PDE3A: variants seen among roughly 807,000 people sequenced by gnomAD.
The protein encoded by PDE3A is cGMP-inhibited 3',5'-cyclic phosphodiesterase 3A.
Under a neutral mutation model 98.3 loss-of-function variants are expected in PDE3A, and 43 were observed. That is an observed-to-expected ratio of 0.44 (90% CI 0.34 to 0.56). The LOEUF is 0.56. Ranked by LOEUF, PDE3A falls within the 20% of genes least tolerant of loss-of-function variation. The probability of loss-of-function intolerance (pLI) is 0.01; values close to 1 mark genes in which losing one functional copy is unlikely to be tolerated. For synonymous variants in PDE3A, 663 were observed against 567.9 expected, an observed-to-expected ratio of 1.17 and a Z score of -2.38; for missense variants, 1,427 against 1,440.7, an observed-to-expected ratio of 0.99 and a Z score of 0.15.
intron 1 of PDE3A, among the ~76,000 whole-genome samples, chr12:20,386,005 T>TAAATATATATA (rs1487460876): frequency 9.8e-6 from 1 of 101,824 alleles, no homozygotes; most frequent in East Asian, 2.4e-4. Context: ...AATATATATA[T>TAAATATATATA]AAATATATAT....
chr12:20,385,902 A>G (rs1351997008), intron 1 of PDE3A, among the ~76,000 whole-genome samples: 1 of 143,886 alleles, frequency 6.9e-6, no homozygotes, highest in Admixed American at 7.6e-5. Context: ...ACAAAGCTGC[A>G]CGTTGTGTAC....
chr12:20,649,825 G>T (rs1252259990), intron 13 of PDE3A, among the ~76,000 whole-genome samples: 2 of 152,172 alleles, frequency 1.3e-5, no homozygotes, highest in South Asian at 2.1e-4. Context: ...ACTTGCGGGG[G>T]CTGAGGCAGG....
intron 1 of PDE3A, among the ~76,000 whole-genome samples, chr12:20,527,820 A>G (rs550584012): frequency 1.8e-4 from 27 of 151,756 alleles, no homozygotes; most frequent in African/African-American, 6.5e-4. Context: ...TTTTCCCCCC[A>G]TTATATTGTT....
chr12:20,669,825 A>G (rs1430669466), intron 15 of PDE3A, among the ~76,000 whole-genome samples: 26 of 152,128 alleles, frequency 1.7e-4, no homozygotes, highest in Non-Finnish European at 3.4e-4. Context: ...CATCATAATG[A>G]CAGGATCAAA....
In PDE3A at chr12:20,369,614, C is replaced by T. The variant is rs376568688; in HGVS notation, c.330C>T (p.Gly110=). 58 of 1,574,560 alleles carry T rather than the reference C, an allele frequency of 3.7e-5. No homozygotes were observed. The South Asian group carries it at 4.7e-4, about 13-fold the overall frequency. The change falls in exon 1 of 16, where the codon GGC becomes GGT. Residue 110 remains glycine, a synonymous_variant. Coordinates refer to ENST00000359062, the MANE Select transcript of PDE3A (RefSeq NM_000921.5). ...AAGCAGCCCCGGGAGCAGAAGGGGG[C>T]GTCTTCCCGGGGCCTCGGGGAGGTG... The part of the protein sequence containing the change: ...EEEAAPGAEG[G]VFPGPRGGAP...
At chr12:20,545,906 G>T (rs111698458) in intron 1 of PDE3A, among the ~76,000 whole-genome samples, 9 of 151,858 alleles carry the variant, frequency 5.9e-5, no homozygotes, top group African/African-American at 9.7e-5. Flanking sequence ...ATGTCCTCTT[G>T]TCTCCCCATG....
chr12:20,644,891 CTT>C (rs199535934), intron 10 of PDE3A, among the ~76,000 whole-genome samples: 46,576 of 106,238 alleles, frequency 0.44, 9,456 homozygotes, highest in South Asian at 0.55. Flanking sequence ...CTTCTTCCTT[CTT>C]TTTTTTTTTT....
chr12:20,583,561 A>G (rs1943121404), intron 2 of PDE3A, among the ~76,000 whole-genome samples: 1 of 152,162 alleles, frequency 6.6e-6, no homozygotes. Flanking sequence ...GCCTGGGATC[A>G]CTTACTAGAT....
chr12:20,600,469 ATC>A (rs1297263212), intron 2 of PDE3A, among the ~76,000 whole-genome samples: 5 of 152,092 alleles, frequency 3.3e-5, no homozygotes, highest in African/African-American at 1.2e-4. Context: ...TCCTGCCATG[ATC>A]TGTTTCCTCA....
chr12:20,681,242 G>T lies in PDE3A; in HGVS notation c.*971G>T, dbSNP rs1290819714. The T allele has an allele frequency of 6.6e-6, 1 of 152,150 alleles. No individual in the cohort carries two copies. Among genetic ancestry groups the T allele is most frequent in the Non-Finnish European group, 1.5e-5 (1 of 68,040 alleles). The allele number at this position is 152,150 out of a possible 1,614,324, so 9.4% of individuals were successfully genotyped here. Reference sequence around the variant, plus strand: ...ATGAATGTATAGGAACTGTCTATGAGTATGGATGTCACTCAACTAAGATCA... The same window carrying T: ...ATGAATGTATAGGAACTGTCTATGATTATGGATGTCACTCAACTAAGATCA... On this transcript the variant is annotated 3_prime_UTR_variant, in exon 16 of 16. Coordinates refer to ENST00000359062, the MANE Select transcript of PDE3A (RefSeq NM_000921.5).
At chr12:20,431,413 A>G (rs1944695110) in intron 1 of PDE3A, among the ~76,000 whole-genome samples, 1 of 152,178 alleles carries the variant, frequency 6.6e-6, no homozygotes, top group Non-Finnish European at 1.5e-5. Flanking sequence ...CACGATGTAT[A>G]TAATGTTGGA....
intron 15 of PDE3A, among the ~76,000 whole-genome samples, chr12:20,670,453 G>A (rs1458471467): frequency 1.3e-5 from 2 of 152,012 alleles, no homozygotes; most frequent in Non-Finnish European, 2.9e-5. Flanking sequence ...TGGAAGTAAA[G>A]CTCTCCTCAG....
chr12:20,444,811 A>C (rs945305348), intron 1 of PDE3A, among the ~76,000 whole-genome samples: 1 of 152,202 alleles, frequency 6.6e-6, no homozygotes, highest in East Asian at 1.9e-4. Flanking sequence ...GTGAGGAATC[A>C]AGCCTTAAAT....
intron 15 of PDE3A, among the ~76,000 whole-genome samples, chr12:20,676,825 C>T (rs974464464): frequency 1.3e-5 from 2 of 152,098 alleles, no homozygotes; most frequent in African/African-American, 2.4e-5. Context: ...AGTTTGGCTA[C>T]AATGCACCAC....
At chr12:20,679,661 A>G (rs10770701) in intron 15 of PDE3A, among the ~76,000 whole-genome samples, 86,259 of 151,716 alleles carry the variant, frequency 0.57, 25,218 homozygotes, top group East Asian at 0.75. Context: ...ACAGACTAAC[A>G]AGAAGTTATT....
intron 2 of PDE3A, among the ~76,000 whole-genome samples, chr12:20,566,958 T>A (rs1283340977): frequency 6.6e-6 from 1 of 151,980 alleles, no homozygotes; most frequent in Non-Finnish European, 1.5e-5. Flanking sequence ...TGGTAGTATA[T>A]GCACAATTAT....
In PDE3A at chr12:20,592,251, G is replaced by A. The variant is rs1266784399; in HGVS notation, c.1012-21192G>A. Reference sequence around the variant, plus strand: ...ATTGTGTCTTAAAAGCATATGGAATGCCAGTGTACTAATTACAGTGGAAAG... The same window carrying A: ...ATTGTGTCTTAAAAGCATATGGAATACCAGTGTACTAATTACAGTGGAAAG... On this transcript the variant is annotated intron_variant, in intron 2 of 15. Transcript: ENST00000359062. 7.2e-5 allele frequency among the ~76,000 whole-genome samples: 11 copies of A among 152,102 alleles called. 1 individual carries two copies. Among genetic ancestry groups the A allele is most frequent in the Admixed American group, 6.5e-4 (10 of 15,270 alleles).
intron 1 of PDE3A, among the ~76,000 whole-genome samples, chr12:20,420,982 G>GA (rs1944502747): frequency 6.6e-6 from 1 of 152,118 alleles, no homozygotes; most frequent in East Asian, 1.9e-4. Context: ...GGCAGAACAG[G>GA]ACCAAAAAGT....
intron 2 of PDE3A, among the ~76,000 whole-genome samples, chr12:20,612,070 T>A (rs903267296): frequency 4.6e-5 from 7 of 151,928 alleles, no homozygotes; most frequent in Non-Finnish European, 8.8e-5. Flanking sequence ...AGCTACTAAT[T>A]GATAGGCTTA....
Sources: allele counts gnomAD v4.1 joint callset (sites outside exome capture counted in the v4.1 genomes callset), GRCh38; gene constraint gnomAD v4.1.1; transcripts MANE v1.5; gene names NCBI Gene and HGNC (gene_info 2026-07-23, HGNC 2026-07-21).